The following GALNT13 variants were observed in gnomAD, a reference collection of about 807,000 sequenced individuals.
GALNT13 encodes the protein polypeptide N-acetylgalactosaminyltransferase 13.
Under a neutral mutation model 64.2 loss-of-function variants are expected in GALNT13, and 28 were observed. The ratio of observed to expected loss-of-function variants is 0.44; its 90% confidence interval spans 0.32 to 0.60. The LOEUF is 0.60. Among genes scored for constraint, GALNT13 ranks in the 20% least tolerant of loss-of-function variants. The pLI, the probability that GALNT13 is intolerant of heterozygous loss-of-function variation, is 0.05. For missense variants in GALNT13, 577 were observed against 669.8 expected (o/e 0.86, Z 1.53); for synonymous variants, 214 against 224.6 (o/e 0.95, Z 0.42).
chr2:153,314,323 G>T, the GALNT13 span, among the ~76,000 whole-genome samples: 1 of 152,100 alleles, frequency 6.6e-6, no homozygotes, highest in Non-Finnish European at 1.5e-5. Flanking sequence ...TATGCATATT[G>T]AGAGTTCTAG....
chr2:154,130,274 A>G (rs1189417471), intron 3 of GALNT13, among the ~76,000 whole-genome samples: 1 of 151,960 alleles, frequency 6.6e-6, no homozygotes, highest in African/African-American at 2.4e-5. Flanking sequence ...TCATTGCCTT[A>G]CCAACCAGGA....
At chr2:153,272,394 G>C in the GALNT13 span, among the ~76,000 whole-genome samples, 1 of 138,024 alleles carries the variant, frequency 7.2e-6, no homozygotes, top group Non-Finnish European at 1.5e-5. Flanking sequence ...AGAAGACAAA[G>C]AACTTAAACA....
At chr2:153,637,811 C>G in the GALNT13 span, among the ~76,000 whole-genome samples, 37 of 152,238 alleles carry the variant, frequency 2.4e-4, no homozygotes, top group Non-Finnish European at 2.2e-4. Context: ...ATACAGACTT[C>G]AAGTGTTGTA....
chr2:154,106,959 T>C (rs990242496), intron 3 of GALNT13, among the ~76,000 whole-genome samples: 1 of 152,204 alleles, frequency 6.6e-6, no homozygotes, highest in African/African-American at 2.4e-5. Flanking sequence ...AATAGATTAA[T>C]GTCTTCCATT....
At chr2:153,085,495 C>T in the GALNT13 span, among the ~76,000 whole-genome samples, 3 of 152,140 alleles carry the variant, frequency 2.0e-5, no homozygotes, top group Admixed American at 2.0e-4. Context: ...ATCCCAGCTG[C>T]TCCACCTGTG....
chr2:153,239,872 A>G, the GALNT13 span, among the ~76,000 whole-genome samples: 4 of 152,028 alleles, frequency 2.6e-5, no homozygotes, highest in African/African-American at 9.7e-5. Context: ...TCTATTTTTC[A>G]GAATAGTTTG....
At chr2:154,423,880 A>G (rs566947571) in intron 11 of GALNT13, among the ~76,000 whole-genome samples, 3 of 152,328 alleles carry the variant, frequency 2.0e-5, no homozygotes, top group South Asian at 2.1e-4. Flanking sequence ...TCAAGATTCT[A>G]TAATGTGAGT....
chr2:153,343,518 A>T, the GALNT13 span, among the ~76,000 whole-genome samples: 1 of 152,062 alleles, frequency 6.6e-6, no homozygotes, highest in South Asian at 2.1e-4. Flanking sequence ...CTTATAAAAA[A>T]TATGTTTATT....
chr2:154,097,044 T>C (rs1282500157), intron 3 of GALNT13, among the ~76,000 whole-genome samples: 2 of 151,908 alleles, frequency 1.3e-5, no homozygotes, highest in East Asian at 3.9e-4. Context: ...TTTAAAGCCT[T>C]AAAAGACATA....
intron 4 of GALNT13, among the ~76,000 whole-genome samples, chr2:154,203,018 C>A (rs1687254633): frequency 6.6e-6 from 1 of 152,046 alleles, no homozygotes; most frequent in Non-Finnish European, 1.5e-5. Context: ...ATTTTATACA[C>A]CTGCTAACGA....
chr2:153,447,371 A>G, the GALNT13 span, among the ~76,000 whole-genome samples: 1 of 152,290 alleles, frequency 6.6e-6, no homozygotes, highest in African/African-American at 2.4e-5. Flanking sequence ...CGAAACAACA[A>G]GATGCAAGGT....
At chr2:153,827,167 A>C in the GALNT13 span, among the ~76,000 whole-genome samples, 1 of 151,924 alleles carries the variant, frequency 6.6e-6, no homozygotes, top group African/African-American at 2.4e-5. Flanking sequence ...AGAGAGAGAG[A>C]GCTTGTGCAG....
At chr2:154,175,807 A>G (rs1685616243) in intron 4 of GALNT13, among the ~76,000 whole-genome samples, 1 of 152,208 alleles carries the variant, frequency 6.6e-6, no homozygotes, top group South Asian at 2.1e-4. Flanking sequence ...AGCATACATG[A>G]TAATCCCAGA....
intron 2 of GALNT13, among the ~76,000 whole-genome samples, chr2:153,919,040 G>A (rs181542701): frequency 2.6e-5 from 4 of 152,074 alleles, no homozygotes; most frequent in South Asian, 4.2e-4. Flanking sequence ...GCACAATTTT[G>A]TACTATTGAT....
At chr2:153,163,875 G>A in the GALNT13 span, among the ~76,000 whole-genome samples, 3 of 151,784 alleles carry the variant, frequency 2.0e-5, no homozygotes, top group African/African-American at 4.9e-5. Flanking sequence ...AAAATTGGCC[G>A]GGCGTGGTGG....
chr2:153,729,431 G>A, the GALNT13 span, among the ~76,000 whole-genome samples: 15 of 151,928 alleles, frequency 9.9e-5, no homozygotes, highest in Admixed American at 3.9e-4. Flanking sequence ...AAAAATTAAG[G>A]TTACTGATTA....
chr2:154,112,402 T>A (rs1343136040), intron 3 of GALNT13, among the ~76,000 whole-genome samples: 1 of 152,206 alleles, frequency 6.6e-6, no homozygotes, highest in African/African-American at 2.4e-5. Flanking sequence ...CCTATTGACT[T>A]GATTATTAAA....
At chr2:153,943,204 C>T (rs1209483017) in intron 2 of GALNT13, among the ~76,000 whole-genome samples, 1 of 152,222 alleles carries the variant, frequency 6.6e-6, no homozygotes, top group South Asian at 2.1e-4. Flanking sequence ...ATTCATTCTA[C>T]ACTTACCTTG....
chr2:153,336,480 AT>A, the GALNT13 span, among the ~76,000 whole-genome samples: 13 of 152,162 alleles, frequency 8.5e-5, no homozygotes, highest in Non-Finnish European at 1.2e-4. Flanking sequence ...GAGCTTTAAA[AT>A]TTGACTGCCC....
Sources: gnomAD v4.1 joint callset for allele counts (sites outside exome capture counted in the v4.1 genomes callset) on GRCh38, gnomAD v4.1.1 for gene constraint, MANE v1.5 for transcripts, NCBI Gene and HGNC (gene_info 2026-07-23, HGNC 2026-07-21) for gene names.